Variants in NPR1 observed in about 807,000 individuals in gnomAD.
NPR1 encodes natriuretic peptide receptor 1.
In NPR1, 57 loss-of-function variants were observed where a neutral mutation model predicts 116.9. The ratio of observed to expected loss-of-function variants is 0.49; its 90% confidence interval spans 0.39 to 0.61. NPR1 has a LOEUF of 0.61. Among genes scored for constraint, NPR1 ranks in the 20% least tolerant of loss-of-function variants. NPR1 has a pLI of 0.00. For synonymous variants in NPR1, 555 were observed against 601.6 expected, an observed-to-expected ratio of 0.92 and a Z score of 1.13; for missense variants, 1,096 against 1,409.8, an observed-to-expected ratio of 0.78 and a Z score of 3.56.
Position 153,679,755 on chromosome 1 carries a change from A to G in NPR1, c.647A>G (p.Asp216Gly). The stretch of plus-strand genomic sequence containing the variant: ...CGCGACCGCCTCAATATTACGGTGG[A>G]CCACCTGGAGTTCGCCGAGGACGAC... ...RVRDRLNITVDHLEFAEDDLS... is the reference protein window; with the variant it reads ...RVRDRLNITVGHLEFAEDDLS... Residue 216 changes from aspartate (D) to glycine (G), a missense_variant, in exon 1 of 22, where the codon GAC (aspartate) becomes GGC (glycine). Coordinates refer to ENST00000368680, the MANE Select transcript of NPR1 (RefSeq NM_000906.4). The surrounding 1 kb of genome is among the most constrained non-coding windows in gnomAD (Gnocchi z 4.2). 5 of 1,587,674 alleles carry G rather than the reference A, an allele frequency of 3.1e-6. No homozygotes were observed. The highest frequency in any genetic ancestry group is 4.3e-6 in the Non-Finnish European group (5 of 1,170,766).
At position 153,689,830 on chromosome 1, in the gene NPR1, A is replaced by T; in HGVS notation, c.2782A>T (p.Met928Leu). The change falls in exon 19 of 22, where the codon ATG (methionine) becomes TTG (leucine). Residue 928 changes from methionine to leucine, a missense_variant. Transcript: ENST00000368680. The surrounding 1 kb of genome is among the most constrained non-coding windows in gnomAD (Gnocchi z 5.1). ...GGTGGAGACAATTGGCGATGCCTAC[A>T]TGGTGGTGTCAGGGCTCCCTGTGCG... ...YKVETIGDAY[M>L]VVSGLPVRNG... The T allele has an allele frequency of 6.3e-7, 1 of 1,582,954 alleles. No homozygotes were observed. Among genetic ancestry groups the T allele is most frequent in the Non-Finnish European group, 8.6e-7 (1 of 1,160,364 alleles).
rs1369911016 is a variant in NPR1, at chr1:153,679,926, T to C, written c.721+97T>C. On this transcript the variant is annotated intron_variant, in intron 1 of 21. Coordinates refer to ENST00000368680, the MANE Select transcript of NPR1 (RefSeq NM_000906.4). This position sits in a 1 kb window ranked among gnomAD's most constrained non-coding sequence, Gnocchi z 4.2. Reference sequence around the variant, plus strand: ...GACTTTCTCTCTCATCTGGGGGCACTCTTCTTTCTCCTCGCCGTTCTTCAT... The same window carrying C: ...GACTTTCTCTCTCATCTGGGGGCACCCTTCTTTCTCCTCGCCGTTCTTCAT... 6.3e-6 allele frequency: 9 copies of C among 1,430,080 alleles called. No homozygotes were observed. The highest frequency in any genetic ancestry group is 1.5e-5 in the African/African-American group (1 of 68,612). The allele number at this position is 1,430,080 out of a possible 1,614,324, so 88.6% of individuals were successfully genotyped here.
intron 6 of NPR1, 58 bp from the exon 7 acceptor site, chr1:153,683,682 C>A: frequency 6.3e-7 from 1 of 1,577,452 alleles, no homozygotes; most frequent in Non-Finnish European, 8.7e-7. Context: ...TTAGAAAGTT[C>A]TTCCTCCTGC....
At position 153,686,747 on chromosome 1, in the gene NPR1, G is replaced by A. The variant is rs569844737; in HGVS notation, c.1860G>A (p.Leu620=). The A allele has an allele frequency of 5.0e-6, 8 of 1,613,378 alleles. No individual in the cohort carries two copies. The highest frequency in any genetic ancestry group is 1.3e-5 in the African/African-American group (1 of 75,024). ...ILTEYCPRGS[L]QDILENESIT... ...CAGAGTACTGTCCCCGTGGGAGCCT[G>A]CAGGTGAGGGGGACAAGGGGTGTCA... Residue 620 remains leucine (L), a synonymous_variant, in exon 11 of 22, where the codon CTG becomes CTA. Transcript: ENST00000368680.
At chr1:153,684,628 G>A (rs1006398007) in intron 7 of NPR1, among the ~76,000 whole-genome samples, 2 of 152,052 alleles carry the variant, frequency 1.3e-5, no homozygotes, top group African/African-American at 4.8e-5. Context: ...TTGACCTCAT[G>A]ATCCACCCAC....
rs550253393 is a variant in NPR1, at chr1:153,689,746, G to A, written c.2758-60G>A. 2.9e-5 allele frequency: 42 copies of A among 1,446,638 alleles called. No homozygotes were observed. The South Asian group carries it at 3.9e-4, about 13-fold the overall frequency. The allele number at this position is 1,446,638 out of a possible 1,614,324, so 89.6% of individuals were successfully genotyped here. A position where few individuals can be genotyped will look rare whatever the true frequency, so the allele number is the denominator to read the frequency against. ...TGACAGACGCTGCACCCGGTGTGAC[G>A]GTGTGGCCGGCCGCACAGTTGCAGC... On this transcript the variant is annotated intron_variant, in intron 18 of 21. Coordinates refer to ENST00000368680, the MANE Select transcript of NPR1 (RefSeq NM_000906.4). This position sits in a 1 kb window ranked among gnomAD's most constrained non-coding sequence, Gnocchi z 5.1.
chr1:153,686,534 G>C, intron 10 of NPR1, 112 bp from the exon 11 acceptor site: 1 of 892,216 alleles, frequency 1.1e-6, no homozygotes. Context: ...TCTTAGTGAT[G>C]GTTGCAGAAA....
chr1:153,683,328 G>A (rs1352425577), intron 5 of NPR1, 48 bp from the exon 6 acceptor site: 4 of 1,591,358 alleles, frequency 2.5e-6, no homozygotes, highest in Non-Finnish European at 3.4e-6. Context: ...CTCACAGCAT[G>A]CCTTCCCCGC....
intron 13 of NPR1, 69 bp from the exon 14 acceptor site, chr1:153,687,565 C>T (rs1669966105): frequency 2.0e-6 from 3 of 1,523,706 alleles, no homozygotes; most frequent in African/African-American, 1.4e-5. Context: ...TTCGGCCACA[C>T]CCTTGTTTCC....
chr1:153,688,913 C>T (rs1482726816), intron 15 of NPR1, 40 bp from the exon 16 acceptor site: 1 of 1,612,836 alleles, frequency 6.2e-7, no homozygotes, highest in Non-Finnish European at 8.5e-7. Context: ...GGCTGTGCTG[C>T]TCCTCTCTTA....
chr1:153,687,337 A>G lies in NPR1; in HGVS notation c.2073A>G (p.Gln691=). ...LESFRDLDPE[Q]GHTVYAKKLW... ...GCTTCAGGGACCTGGACCCAGAGCA[A>G]GGACACACCGTTTATGCCAGTGAGC... is the stretch of plus-strand genomic sequence containing the variant. Residue 691 remains glutamine (Q), a synonymous_variant, in exon 13 of 22, where the codon CAA becomes CAG. Coordinates refer to ENST00000368680, the MANE Select transcript of NPR1 (RefSeq NM_000906.4). 6.2e-7 allele frequency: 1 copy of G among 1,614,082 alleles called. No homozygotes were observed. The highest frequency in any genetic ancestry group is 8.5e-7 in the Non-Finnish European group (1 of 1,179,972).
Position 153,685,953 on chromosome 1 carries a change from G to A in NPR1, c.1680+73G>A, listed in dbSNP as rs930194484. The A allele has an allele frequency of 2.1e-5, 32 of 1,489,540 alleles. No homozygotes were observed. The African/African-American group carries it at 3.5e-4, about 16-fold the overall frequency. 92.3% of individuals were successfully genotyped at this position (1,489,540 alleles called of 1,614,324 possible). On this transcript the variant is annotated intron_variant, in intron 9 of 21. Coordinates refer to ENST00000368680, the MANE Select transcript of NPR1 (RefSeq NM_000906.4). Reference sequence around the variant, plus strand: ...TACTCTGATGGAGGACTGGTGGGGGGTTCTGAGGGAAGGAGTAAGCTGGTG... The same window carrying A: ...TACTCTGATGGAGGACTGGTGGGGGATTCTGAGGGAAGGAGTAAGCTGGTG...
chr1:153,679,721 A>G lies in NPR1; in HGVS notation c.613A>G (p.Met205Val), dbSNP rs1344475218. 17 of 1,607,102 alleles carry G rather than the reference A, an allele frequency of 1.1e-5. No homozygotes were observed. Among genetic ancestry groups the G allele is most frequent in the Non-Finnish European group, 1.4e-5 (16 of 1,178,762 alleles). Residue 205 changes from methionine (M) to valine (V), a missense_variant, in exon 1 of 22, where the codon ATG (methionine) becomes GTG (valine). Met to Val is a conservative substitution (Grantham distance 21). Coordinates refer to ENST00000368680, the MANE Select transcript of NPR1 (RefSeq NM_000906.4). The surrounding 1 kb of genome is among the most constrained non-coding windows in gnomAD (Gnocchi z 4.2). The stretch of plus-strand genomic sequence containing the variant: ...CTTCTTCCTCGTGGAGGGGCTGTTC[A>G]TGCGGGTCCGCGACCGCCTCAATAT... Reference protein sequence around the residue: ...HCFFLVEGLFMRVRDRLNITV... With the variant: ...HCFFLVEGLFVRVRDRLNITV...
rs900154127 is a variant in NPR1, at chr1:153,681,580, T to C, written c.1036-124T>C. ...TTTAAATAGTAAAATCTCCCTGTGA[T>C]ATAGGGGTGTTATTTTCTCCCATCC... On this transcript the variant is annotated intron_variant, in intron 3 of 21. Transcript: ENST00000368680. The C allele has an allele frequency of 1.6e-4, 158 of 995,374 alleles. 1 individual carries two copies. Among genetic ancestry groups the C allele is most frequent in the Non-Finnish European group, 2.2e-4 (149 of 664,050 alleles). The allele number at this position is 995,374 out of a possible 1,614,324, so 61.7% of individuals were successfully genotyped here.
rs1156364963 is a variant in NPR1 at position 153,690,108 on chromosome 1, GTCTCTCTCTCTCTCTC to G, written c.2932+147_2933-142del. 100 of 315,516 alleles carry G rather than the reference GTCTCTCTCTCTCTCTC, an allele frequency of 3.2e-4. 1 individual carries two copies. The highest frequency in any genetic ancestry group is 1.8e-3 in the South Asian group (32 of 17,436). The allele number at this position is 315,516 out of a possible 1,614,324, so 19.5% of individuals were successfully genotyped here. ...TCTCTCTCTCTCTCTCTCTCTCTCT[GTCTCTCTCTCTCTCTC>G]TCTCTCTCTCTCTCTCTCACACACA... On this transcript the variant is annotated intron_variant, in intron 19 of 21. Transcript: ENST00000368680.
chr1:153,689,729 G>C lies in NPR1; in HGVS notation c.2758-77G>C. On this transcript the variant is annotated intron_variant, in intron 18 of 21. Transcript: ENST00000368680. This position sits in a 1 kb window ranked among gnomAD's most constrained non-coding sequence, Gnocchi z 5.1. ...CAGATGAGGGTACAGAATGACAGAC[G>C]CTGCACCCGGTGTGACGGTGTGGCC... is the stretch of plus-strand genomic sequence containing the variant. 7.1e-7 allele frequency: 1 copy of C among 1,401,978 alleles called. No homozygotes were observed. Among genetic ancestry groups the C allele is most frequent in the Non-Finnish European group, 9.6e-7 (1 of 1,037,678 alleles). 86.8% of individuals were successfully genotyped at this position (1,401,978 alleles called of 1,614,324 possible).
At chr1:153,683,115 CCT>C (rs1669826646) in intron 5 of NPR1, among the ~76,000 whole-genome samples, 2 of 152,138 alleles carry the variant, frequency 1.3e-5, no homozygotes, top group African/African-American at 4.8e-5. Flanking sequence ...TTATAAACTC[CCT>C]GAGTGTAGAG....
intron 10 of NPR1, 42 bp downstream of exon 10, chr1:153,686,242 CG>C (rs1485475807): frequency 6.3e-7 from 1 of 1,579,598 alleles, no homozygotes; most frequent in Non-Finnish European, 8.7e-7. Context: ...AAGGGGCCCT[CG>C]GGGACGCAAG....
At chr1:153,681,145 C>T in intron 2 of NPR1, 35 bp from the exon 3 acceptor site, 1 of 1,338,352 alleles carries the variant, frequency 7.5e-7, no homozygotes, top group East Asian at 2.3e-5. Context: ...ATAGTCAGCT[C>T]CCAACTCTCT....
Sources: allele counts gnomAD v4.1 joint callset (sites outside exome capture counted in the v4.1 genomes callset), GRCh38; gene constraint gnomAD v4.1.1; non-coding constraint Gnocchi (gnomAD v3.1); transcripts MANE v1.5; gene names NCBI Gene and HGNC (gene_info 2026-07-23, HGNC 2026-07-21).